The following TRPC4AP variants were observed in gnomAD, a reference collection of about 807,000 sequenced individuals.
The protein encoded by TRPC4AP is short transient receptor potential channel 4-associated protein.
Under a neutral mutation model 99.0 loss-of-function variants are expected in TRPC4AP, and 45 were observed. The observed-to-expected ratio is 0.45, with a 90% CI of 0.36 to 0.58. TRPC4AP has a LOEUF of 0.58. Ranked by LOEUF, TRPC4AP falls within the 20% of genes least tolerant of loss-of-function variation. TRPC4AP has a pLI of 0.00. For synonymous variants in TRPC4AP, 408 were observed against 385.8 expected (o/e 1.06, Z -0.67); for missense variants, 879 against 985.3 (o/e 0.89, Z 1.44).
intron 2 of TRPC4AP, among the ~76,000 whole-genome samples, chr20:35,071,143 A>G (rs993207281): frequency 1.3e-5 from 2 of 152,206 alleles, no homozygotes; most frequent in Non-Finnish European, 1.5e-5. Flanking sequence ...CGTAAAGACT[A>G]AGTTTAATTA....
In TRPC4AP at chr20:35,005,682, G is replaced by GCCTTTCATGTA. The variant is rs761836634; in HGVS notation, c.1936+2_1936+12dup. On this transcript the variant is annotated intron_variant, in intron 16 of 18. Transcript: ENST00000252015. The stretch of plus-strand genomic sequence containing the variant: ...CCTGCATGACTTGCCTTGACAGCCT[G>GCCTTTCATGTA]CCTTTCATGTACCTTTCATATCCAC... 1 of 1,611,894 alleles carries GCCTTTCATGTA rather than the reference G, an allele frequency of 6.2e-7. No individual in the cohort carries two copies.
At chr20:35,090,377 C>CTTTTTTT (rs71196792) in intron 1 of TRPC4AP, among the ~76,000 whole-genome samples, 34,857 of 87,830 alleles carry the variant, frequency 0.4, 9,143 homozygotes, top group East Asian at 0.55. Flanking sequence ...ATCTGGTGAG[C>CTTTTTTT]TTTTTTTTTT....
At chr20:35,085,279 A>AT (rs2084807854) in intron 1 of TRPC4AP, among the ~76,000 whole-genome samples, 1 of 152,174 alleles carries the variant, frequency 6.6e-6, no homozygotes, top group African/African-American at 2.4e-5. Context: ...TTTCTTTACT[A>AT]TTTATACATT....
intron 2 of TRPC4AP, among the ~76,000 whole-genome samples, chr20:35,069,828 C>A (rs1188153126): frequency 3.3e-5 from 5 of 152,170 alleles, no homozygotes; most frequent in Admixed American, 1.3e-4. Context: ...GTAATCCCAG[C>A]TACTCAGGAA....
chr20:35,058,276 T>C lies in TRPC4AP; in HGVS notation c.415-705A>G, dbSNP rs553760150. ...ACAACTAGGCAGACGAGCAAAGAAA[T>C]AGAAGACTTGAACACAACGAACACA... On this transcript the variant is annotated intron_variant, in intron 3 of 18. Coordinates refer to ENST00000252015, the MANE Select transcript of TRPC4AP (RefSeq NM_015638.3). Among the ~76,000 whole-genome samples, 8 of 152,314 alleles carry C rather than the reference T, an allele frequency of 5.3e-5. No homozygotes were observed. The South Asian group carries it at 6.2e-4, about 12-fold the overall frequency.
At chr20:35,047,027 C>T (rs2083574876) in intron 6 of TRPC4AP, among the ~76,000 whole-genome samples, 3 of 152,098 alleles carry the variant, frequency 2.0e-5, no homozygotes, top group African/African-American at 7.2e-5. Flanking sequence ...CACCACCATG[C>T]TGGGCTAATT....
chr20:35,055,926 A>T (rs1360288755), intron 4 of TRPC4AP, among the ~76,000 whole-genome samples: 3 of 152,232 alleles, frequency 2.0e-5, no homozygotes, highest in Non-Finnish European at 4.4e-5. Context: ...TGAGCCCAAA[A>T]CCAAAAGATG....
At chr20:35,024,057 C>A (rs1287750887) in intron 8 of TRPC4AP, among the ~76,000 whole-genome samples, 1 of 152,118 alleles carries the variant, frequency 6.6e-6, no homozygotes, top group African/African-American at 2.4e-5. Context: ...GTCTCTTCAG[C>A]TCTACCACAC....
intron 10 of TRPC4AP, among the ~76,000 whole-genome samples, chr20:35,015,782 C>T (rs938860183): frequency 2.0e-5 from 3 of 152,114 alleles, no homozygotes; most frequent in Non-Finnish European, 4.4e-5. Flanking sequence ...AGTCACTGTG[C>T]CCAGCCTAGG....
intron 5 of TRPC4AP, among the ~76,000 whole-genome samples, chr20:35,053,275 T>C (rs532756386): frequency 2.0e-5 from 3 of 152,350 alleles, no homozygotes; most frequent in East Asian, 1.9e-4. Flanking sequence ...TACTGATTTA[T>C]CTAACACTAG....
At chr20:35,071,256 C>T (rs2084306578) in intron 2 of TRPC4AP, among the ~76,000 whole-genome samples, 1 of 152,042 alleles carries the variant, frequency 6.6e-6, no homozygotes, top group South Asian at 2.1e-4. Flanking sequence ...ATATAACTTA[C>T]ATGGTTTTTA....
chr20:35,057,111 G>A (rs572957547), intron 4 of TRPC4AP, among the ~76,000 whole-genome samples: 2 of 151,610 alleles, frequency 1.3e-5, no homozygotes, highest in African/African-American at 4.8e-5. Context: ...AAAACACTCT[G>A]ACTTTTTACC....
intron 8 of TRPC4AP, among the ~76,000 whole-genome samples, chr20:35,030,685 C>T (rs1433444921): frequency 6.6e-6 from 1 of 152,184 alleles, no homozygotes; most frequent in Non-Finnish European, 1.5e-5. Flanking sequence ...CATGATACTC[C>T]ATTACAACTT....
intron 2 of TRPC4AP, among the ~76,000 whole-genome samples, chr20:35,075,033 A>G (rs973606397): frequency 4.0e-5 from 6 of 150,700 alleles, no homozygotes; most frequent in South Asian, 2.1e-4. Context: ...GTCTCTTTTG[A>G]TCTTTGTTGG....
intron 3 of TRPC4AP, among the ~76,000 whole-genome samples, chr20:35,060,909 T>C (rs1056885248): frequency 3.3e-5 from 5 of 152,172 alleles, no homozygotes; most frequent in African/African-American, 1.2e-4. Flanking sequence ...GACTAAATGC[T>C]TTCCCATTAA....
At chr20:35,008,867 G>T in intron 12 of TRPC4AP, 120 bp from the exon 13 acceptor site, 2 of 891,276 alleles carry the variant, frequency 2.2e-6, no homozygotes, top group Non-Finnish European at 1.7e-6. Flanking sequence ...TCTGCAGGAT[G>T]CCTTCCTGCT....
intron 8 of TRPC4AP, among the ~76,000 whole-genome samples, chr20:35,022,242 G>A (rs1319545846): frequency 1.3e-5 from 2 of 152,192 alleles, no homozygotes; most frequent in Non-Finnish European, 2.9e-5. Context: ...TGCAACTTCC[G>A]CTTGCTGGTT....
intron 8 of TRPC4AP, among the ~76,000 whole-genome samples, chr20:35,028,500 A>G (rs1206347694): frequency 6.6e-6 from 1 of 152,096 alleles, no homozygotes; most frequent in African/African-American, 2.4e-5. Context: ...TTTGTTATTT[A>G]TTTCTAACTC....
At chr20:35,087,253 G>C (rs1291107959) in intron 1 of TRPC4AP, among the ~76,000 whole-genome samples, 2 of 150,612 alleles carry the variant, frequency 1.3e-5, no homozygotes, top group Non-Finnish European at 3.0e-5. Context: ...GCAGGAGAAT[G>C]GCATGAACCT....
Sources: allele counts gnomAD v4.1 joint callset (sites outside exome capture counted in the v4.1 genomes callset), GRCh38; gene constraint gnomAD v4.1.1; transcripts MANE v1.5; gene names NCBI Gene and HGNC (gene_info 2026-07-23, HGNC 2026-07-21).